The following DYNC2H1 variants were observed in gnomAD, a reference collection of about 807,000 sequenced individuals.
DYNC2H1 encodes the protein dynein cytoplasmic 2 heavy chain 1, also known as cytoplasmic dynein 2 heavy chain 1.
DYNC2H1 carries 410 observed loss-of-function variants against 570.0 expected under a neutral mutation model. The ratio of observed to expected loss-of-function variants is 0.72; its 90% CI spans 0.66 to 0.78. The LOEUF (loss-of-function observed/expected upper bound fraction) is 0.78, where lower values mean the gene tolerates loss of function less well. Ranked by LOEUF, DYNC2H1 falls within the 30% of genes least tolerant of loss-of-function variation. The probability of loss-of-function intolerance (pLI) is 0.00; values close to 1 mark genes in which losing one functional copy is unlikely to be tolerated. For synonymous variants in DYNC2H1, 1,688 were observed against 1,677.6 expected (o/e 1.01, Z -0.15); for missense variants, 4,865 against 5,046.4 (o/e 0.96, Z 1.09).
intron 85 of DYNC2H1, among the ~76,000 whole-genome samples, chr11:103,443,779 T>G (rs1163897938): frequency 6.6e-6 from 1 of 151,888 alleles, no homozygotes; most frequent in African/African-American, 2.4e-5. Context: ...TACCTAGTTT[T>G]TATTTTTTTC....
chr11:103,155,132 T>G (rs546641296), intron 24 of DYNC2H1, among the ~76,000 whole-genome samples, 199 bp from the exon 25 acceptor site: 217 of 152,206 alleles, frequency 1.4e-3, no homozygotes, highest in Non-Finnish European at 2.6e-3. Flanking sequence ...AAGGGTAATT[T>G]GTGTGTGTCC....
In DYNC2H1 at chr11:103,462,136, AG is replaced by A. The variant is rs535630459; in HGVS notation, c.12648+5782del. 2.5e-4 allele frequency among the ~76,000 whole-genome samples: 38 copies of A among 152,288 alleles called. 2 individuals are homozygous for A. The South Asian group carries it at 7.7e-3, about 31-fold the overall frequency. On this transcript the variant is annotated intron_variant, in intron 87 of 88. Transcript: ENST00000375735. ...CCTTAAGTCTTTTTATATCTAAATC[AG>A]GTTCCACCTTTCATTTATTACCACT... is the stretch of plus-strand genomic sequence containing the variant.
At position 103,304,637 on chromosome 11, in the gene DYNC2H1, C is replaced by T. The variant is rs770592818; in HGVS notation, c.11299C>T (p.Leu3767=). Residue 3767 remains leucine, a synonymous_variant, in exon 77 of 89, where the codon CTA becomes TTA. Coordinates refer to ENST00000375735, the MANE Select transcript of DYNC2H1 (RefSeq NM_001377.3). ...QGQADLAIQM[L]KECARNGDWL... is the part of the protein sequence containing the mutation. ...TCAAGCTGATTTAGCAATTCAAATG[C>T]TAAAAGAATGTGCCCGCAATGGAGA... is the stretch of plus-strand genomic sequence containing the variant. 6.2e-7 allele frequency: 1 copy of T among 1,613,228 alleles called. No individual in the cohort carries two copies. Among genetic ancestry groups the T allele is most frequent in the East Asian group, 2.2e-5 (1 of 44,820 alleles).
At chr11:103,333,737 TTTATC>T (rs1243121922) in intron 82 of DYNC2H1, among the ~76,000 whole-genome samples, 3 of 152,320 alleles carry the variant, frequency 2.0e-5, no homozygotes, top group Admixed American at 6.5e-5. Flanking sequence ...TTAATTCTAA[TTTATC>T]TTATCTGTCA....
Position 103,204,151 on chromosome 11 carries a change from A to G in DYNC2H1, c.8311+375A>G, listed in dbSNP as rs1437736592. Among the ~76,000 whole-genome samples the G allele has an allele frequency of 1.3e-5, 2 of 152,188 alleles. No individual in the cohort carries two copies. Among genetic ancestry groups the G allele is most frequent in the African/African-American group, 4.8e-5 (2 of 41,534 alleles). On this transcript the variant is annotated intron_variant, in intron 51 of 88. Transcript: ENST00000375735. The surrounding 1 kb of genome is among the most constrained non-coding windows in gnomAD (Gnocchi z 4.1). ...GTGCAGAAAAACTCCTGTTTTTAAA[A>G]CCATGAGATCTCATGAGAGCCATTC... is the stretch of plus-strand genomic sequence containing the variant.
rs761928298 is a variant in DYNC2H1 at position 103,185,005 on chromosome 11, T to C, written c.6587T>C (p.Leu2196Pro). Residue 2196 changes from leucine to proline, a missense_variant, in exon 41 of 89, where the codon CTT becomes CCT. Physicochemically the swap from Leu to Pro is moderately conservative, Grantham distance 98 (BLOSUM62 -3). Around this residue, in one of 5 missense-constraint regions of DYNC2H1, gnomAD observed 231 missense variants for 310.3 expected, o/e 0.74. Coordinates refer to ENST00000375735, the MANE Select transcript of DYNC2H1 (RefSeq NM_001377.3). This position sits in a 1 kb window ranked among gnomAD's most constrained non-coding sequence, Gnocchi z 4.5. ...TTCATTATTAATCTCATAAGGGGAC[T>C]TGGTGGAAATCTGAATATGAAGTCA... Reference protein sequence around the residue: ...DEFIINLIRGLGGNLNMKSRL... With the variant: ...DEFIINLIRGPGGNLNMKSRL... 1 of 1,610,034 alleles carries C rather than the reference T, an allele frequency of 6.2e-7. No homozygotes were observed.
At chr11:103,214,205 C>T (rs367959318) in intron 54 of DYNC2H1, among the ~76,000 whole-genome samples, 10 of 151,940 alleles carry the variant, frequency 6.6e-5, no homozygotes, top group African/African-American at 2.2e-4. Context: ...AATACTGTGC[C>T]GTTTTGGTTA....
chr11:103,342,758 C>T (rs968808214), intron 82 of DYNC2H1, among the ~76,000 whole-genome samples: 1 of 151,902 alleles, frequency 6.6e-6, no homozygotes, highest in Non-Finnish European at 1.5e-5. Context: ...CCCGCCTTGG[C>T]CTCCCAAAGC....
intron 55 of DYNC2H1, among the ~76,000 whole-genome samples, chr11:103,217,435 A>C (rs571695821): frequency 4.7e-4 from 72 of 152,322 alleles, no homozygotes; most frequent in African/African-American, 1.7e-3. Flanking sequence ...CATAGAGATC[A>C]CTGGAATGTG....
At chr11:103,194,350 G>A (rs1862434159) in intron 47 of DYNC2H1, among the ~76,000 whole-genome samples, 1 of 151,786 alleles carries the variant, frequency 6.6e-6, no homozygotes, top group Non-Finnish European at 1.5e-5. Context: ...TTCAGTTTTT[G>A]GCTGTTAGGA....
intron 54 of DYNC2H1, among the ~76,000 whole-genome samples, chr11:103,214,789 CTT>C (rs35102616): frequency 0.038 from 5,294 of 139,774 alleles, 319 homozygotes; most frequent in African/African-American, 0.13. Context: ...ATGTCTTTCC[CTT>C]TTTTTTTTTT....
chr11:103,335,258 G>T (rs981309537), intron 82 of DYNC2H1, among the ~76,000 whole-genome samples: 3 of 152,050 alleles, frequency 2.0e-5, no homozygotes, highest in African/African-American at 4.8e-5. Context: ...TAGGCAACAT[G>T]CAAGTTGATA....
chr11:103,192,935 G>A (rs916394872), intron 47 of DYNC2H1, among the ~76,000 whole-genome samples: 2 of 152,064 alleles, frequency 1.3e-5, no homozygotes, highest in African/African-American at 4.8e-5. Context: ...GATAAAGCTA[G>A]GCTTCAAAAA....
intron 78 of DYNC2H1, among the ~76,000 whole-genome samples, chr11:103,310,549 ATTGAGTAGTG>A (rs1867529175): frequency 6.6e-6 from 1 of 151,372 alleles, no homozygotes; most frequent in East Asian, 1.9e-4. Context: ...GTCATGTTTT[ATTGAGTAGTG>A]TGCAGAAATT....
chr11:103,120,719 G>A lies in DYNC2H1; in HGVS notation c.1165G>A (p.Glu389Lys). Residue 389 changes from glutamate (E) to lysine (K), a missense_variant, in exon 8 of 89, where the codon GAA becomes AAA. Transcript: ENST00000375735. The stretch of plus-strand genomic sequence containing the variant: ...GTGGAAAGCTGCGGTGTCTCAATAT[G>A]AAAAGATTATTGCACCTGCGGAACA... The part of the protein sequence containing the change: ...PLWKAAVSQY[E>K]KIIAPAEQKI... 1.2e-6 allele frequency: 2 copies of A among 1,610,448 alleles called. No individual in the cohort carries two copies. The highest frequency in any genetic ancestry group is 1.7e-6 in the Non-Finnish European group (2 of 1,178,118).
Position 103,189,585 on chromosome 11 carries a change from C to A in DYNC2H1, c.7293-87C>A. On this transcript the variant is annotated intron_variant, in intron 44 of 88. Coordinates refer to ENST00000375735, the MANE Select transcript of DYNC2H1 (RefSeq NM_001377.3). The surrounding 1 kb of genome is among the most constrained non-coding windows in gnomAD (Gnocchi z 4.3). Reference sequence around the variant, plus strand: ...TGTAGGTCTTAGAGCAGCACAGTTTCAAAACCACTGTTGTAACTTAACATT... The same window carrying A: ...TGTAGGTCTTAGAGCAGCACAGTTTAAAAACCACTGTTGTAACTTAACATT... 1.4e-6 allele frequency: 2 copies of A among 1,407,962 alleles called. No individual in the cohort carries two copies. Among genetic ancestry groups the A allele is most frequent in the South Asian group, 1.3e-5 (1 of 79,214 alleles). 87.2% of individuals were successfully genotyped at this position (1,407,962 alleles called of 1,614,324 possible).
At chr11:103,148,673 T>C in intron 20 of DYNC2H1, 56 bp downstream of exon 20, 1 of 1,506,546 alleles carries the variant, frequency 6.6e-7, no homozygotes, top group Non-Finnish European at 8.9e-7. Context: ...GGAAAATGTT[T>C]AAATTAGGTA....
At chr11:103,339,570 T>C (rs1259410202) in intron 82 of DYNC2H1, among the ~76,000 whole-genome samples, 1 of 152,102 alleles carries the variant, frequency 6.6e-6, no homozygotes, top group Non-Finnish European at 1.5e-5. Flanking sequence ...GACAAAGTCT[T>C]ACGTATTTTT....
In DYNC2H1 at chr11:103,218,085, G is replaced by T. The variant is rs606237; in HGVS notation, c.8833-1830G>T. The stretch of plus-strand genomic sequence containing the variant: ...CACCTCAGTCTAGTATGGCAAGGCC[G>T]TGTGGAGCATCTGGAACTCTTATAA... On this transcript the variant is annotated intron_variant, in intron 55 of 88. Transcript: ENST00000375735. 1.6e-3 allele frequency among the ~76,000 whole-genome samples: 249 copies of T among 152,300 alleles called. 8 individuals carry two copies. In the East Asian group the frequency reaches 0.046, roughly 28 times the overall value.
Sources: allele counts gnomAD v4.1 joint callset (sites outside exome capture counted in the v4.1 genomes callset), GRCh38; gene constraint gnomAD v4.1.1; regional missense constraint gnomAD v4.1.1; non-coding constraint Gnocchi (gnomAD v3.1); transcripts MANE v1.5; gene names NCBI Gene and HGNC (gene_info 2026-07-23, HGNC 2026-07-21).